GRIN2A: variants seen among roughly 807,000 people sequenced by gnomAD.
The protein encoded by GRIN2A is glutamate receptor ionotropic, NMDA 2A.
In GRIN2A, 22 loss-of-function variants were observed where a neutral mutation model predicts 113.4. That is an observed-to-expected ratio of 0.19 (90% CI 0.14 to 0.28). The LOEUF (loss-of-function observed/expected upper bound fraction) is 0.28. Among genes scored for constraint, GRIN2A ranks in the 10% least tolerant of loss-of-function variants. The pLI is 1.00. For missense variants in GRIN2A, 1,502 were observed against 1,887.0 expected (o/e 0.80, Z 3.78); for synonymous variants, 827 against 738.4 (o/e 1.12, Z -1.94).
chr16:9,918,774 T>C (rs1272137123), intron 3 of GRIN2A, among the ~76,000 whole-genome samples: 2 of 152,024 alleles, frequency 1.3e-5, no homozygotes, highest in African/African-American at 4.8e-5. Flanking sequence ...TAACATAATA[T>C]TATACATTCA....
At chr16:9,948,742 G>A (rs1225006717) in intron 2 of GRIN2A, among the ~76,000 whole-genome samples, 1 of 152,200 alleles carries the variant, frequency 6.6e-6, no homozygotes, top group East Asian at 1.9e-4. Context: ...CCTCACTCCT[G>A]GGAGAGAACT....
chr16:9,942,335 C>T (rs1286171136), intron 2 of GRIN2A, among the ~76,000 whole-genome samples: 5 of 152,180 alleles, frequency 3.3e-5, no homozygotes, highest in Non-Finnish European at 4.4e-5. Context: ...GCTCTAGGGT[C>T]TATTGAACCT....
At chr16:9,940,022 G>A (rs867199839) in intron 2 of GRIN2A, among the ~76,000 whole-genome samples, 51 of 137,032 alleles carry the variant, frequency 3.7e-4, no homozygotes, top group Non-Finnish European at 6.8e-4. Context: ...TCCACTGAGA[G>A]AGAGAGAGAG....
chr16:9,818,204 C>T lies in GRIN2A; in HGVS notation c.2168+4060G>A, dbSNP rs551169614. Among the ~76,000 whole-genome samples the T allele has an allele frequency of 3.0e-4, 45 of 151,800 alleles. 1 individual carries two copies. In the South Asian group the frequency reaches 8.4e-3, roughly 28 times the overall value. Reference sequence around the variant, plus strand: ...GAAAGACCGCAGTCTCGTGGTGGGACGTTGAGAAGACACAATCAACACAAA... The same window carrying T: ...GAAAGACCGCAGTCTCGTGGTGGGATGTTGAGAAGACACAATCAACACAAA... On this transcript the variant is annotated intron_variant, in intron 10 of 12. Transcript: ENST00000330684.
At chr16:9,787,185 A>G (rs1902282433) in intron 11 of GRIN2A, among the ~76,000 whole-genome samples, 1 of 152,096 alleles carries the variant, frequency 6.6e-6, no homozygotes, top group African/African-American at 2.4e-5. Flanking sequence ...GGCCCTCCCA[A>G]TCTTGAAGAG....
rs1378433982 is a variant in GRIN2A at position 9,762,268 on chromosome 16, GCAA to G, written c.*878_*880del. The G allele has an allele frequency of 1.8e-5, 4 of 225,734 alleles. No individual in the cohort carries two copies. The highest frequency in any genetic ancestry group is 1.8e-5 in the Non-Finnish European group (2 of 113,148). The allele number at this position is 225,734 out of a possible 1,614,324, so 14.0% of individuals were successfully genotyped here. ...GAGTCATCACCAGAAGGGAGGAAAT[GCAA>G]ACTTACGTACATAGGCGTCTTCGGG... On this transcript the variant is annotated 3_prime_UTR_variant, in exon 13 of 13. Coordinates refer to ENST00000330684, the MANE Select transcript of GRIN2A (RefSeq NM_001134407.3).
chr16:9,765,624 C>A (rs1301896876), intron 12 of GRIN2A, among the ~76,000 whole-genome samples: 1 of 152,036 alleles, frequency 6.6e-6, no homozygotes, highest in Non-Finnish European at 1.5e-5. Context: ...GGGGTGTGAG[C>A]CTATCAGTGA....
rs368626347 is a variant in GRIN2A at position 10,030,427 on chromosome 16, C to G, written c.415-91876G>C. The stretch of plus-strand genomic sequence containing the variant: ...GGCGTGTGGCTGCTGTGTCCAGTCA[C>G]GTGCTCAGACTTCACCCCTGCTATG... On this transcript the variant is annotated intron_variant, in intron 2 of 12. Coordinates refer to ENST00000330684, the MANE Select transcript of GRIN2A (RefSeq NM_001134407.3). Among the ~76,000 whole-genome samples, 14 of 152,264 alleles carry G rather than the reference C, an allele frequency of 9.2e-5. No homozygotes were observed. The East Asian group carries it at 2.5e-3, about 27-fold the overall frequency.
At chr16:9,957,958 T>G (rs2045344325) in intron 2 of GRIN2A, among the ~76,000 whole-genome samples, 1 of 152,168 alleles carries the variant, frequency 6.6e-6, no homozygotes, top group African/African-American at 2.4e-5. Flanking sequence ...GTTGGCTTGT[T>G]TTCCATGTTG....
At chr16:9,887,244 T>C (rs1171789913) in intron 4 of GRIN2A, among the ~76,000 whole-genome samples, 7 of 152,154 alleles carry the variant, frequency 4.6e-5, no homozygotes, top group Non-Finnish European at 4.4e-5. Context: ...TGAATGGATC[T>C]TGTGTCATAA....
chr16:10,091,268 A>G (rs1057325067), intron 2 of GRIN2A, among the ~76,000 whole-genome samples: 1 of 152,180 alleles, frequency 6.6e-6, no homozygotes, highest in African/African-American at 2.4e-5. Flanking sequence ...TATTATCCCT[A>G]ACAGACAAGA....
At chr16:9,860,619 C>T (rs574881730) in intron 4 of GRIN2A, among the ~76,000 whole-genome samples, 5 of 152,178 alleles carry the variant, frequency 3.3e-5, no homozygotes, top group African/African-American at 9.6e-5. Context: ...AACACTTCTT[C>T]TCAATGTAGT....
chr16:9,769,451 C>CTTTTTTTTTTTTTTTTTTT (rs34847596), intron 11 of GRIN2A, among the ~76,000 whole-genome samples: 7 of 104,862 alleles, frequency 6.7e-5, no homozygotes, highest in East Asian at 3.2e-4. Context: ...GGAGTTTTGT[C>CTTTTTTTTTTTTTTTTTTT]TTTTTTTTTT....
At chr16:9,966,664 T>C (rs958928885) in intron 2 of GRIN2A, among the ~76,000 whole-genome samples, 3 of 152,178 alleles carry the variant, frequency 2.0e-5, no homozygotes, top group Admixed American at 1.3e-4. Context: ...GGGTTGAATA[T>C]TTCTGTCTTT....
At chr16:9,831,461 C>A (rs2042492647) in intron 8 of GRIN2A, among the ~76,000 whole-genome samples, 1 of 150,900 alleles carries the variant, frequency 6.6e-6, no homozygotes, top group Non-Finnish European at 1.5e-5. Flanking sequence ...GACCTTTTTG[C>A]TCTGTACATG....
intron 5 of GRIN2A, among the ~76,000 whole-genome samples, chr16:9,841,552 T>C (rs1375328486): frequency 1.3e-5 from 2 of 152,112 alleles, no homozygotes; most frequent in Admixed American, 6.6e-5. Context: ...GATGTGAAAT[T>C]CTCAGAGAAA....
intron 3 of GRIN2A, among the ~76,000 whole-genome samples, chr16:9,917,122 T>C (rs1157611901): frequency 1.3e-5 from 2 of 152,260 alleles, no homozygotes; most frequent in African/African-American, 4.8e-5. Context: ...GCTCTTTTCA[T>C]ATCTGATTCT....
At chr16:10,093,413 C>T (rs1366543259) in intron 2 of GRIN2A, among the ~76,000 whole-genome samples, 1 of 152,146 alleles carries the variant, frequency 6.6e-6, no homozygotes, top group Non-Finnish European at 1.5e-5. Flanking sequence ...TAGGTTCAGC[C>T]CTGACTTGTA....
intron 11 of GRIN2A, among the ~76,000 whole-genome samples, chr16:9,789,524 C>G (rs1424626796): frequency 1.3e-5 from 2 of 151,058 alleles, no homozygotes; most frequent in Non-Finnish European, 2.9e-5. Flanking sequence ...GAAAACAAAC[C>G]TTGGTTGATA....
Sources: gnomAD v4.1 joint callset for allele counts (sites outside exome capture counted in the v4.1 genomes callset) on GRCh38, gnomAD v4.1.1 for gene constraint, MANE v1.5 for transcripts, NCBI Gene and HGNC (gene_info 2026-07-23, HGNC 2026-07-21) for gene names.